Variants in PSMA6 observed in about 807,000 individuals in gnomAD.
PSMA6 encodes proteasome 20S subunit alpha 6, also known as proteasome subunit alpha type-6.
For missense variants in PSMA6, 170 were observed against 294.8 expected, an observed-to-expected ratio of 0.58 and a Z score of 3.10; for synonymous variants, 88 against 97.7, an observed-to-expected ratio of 0.90 and a Z score of 0.59.
At chr14:35,282,983 C>G (rs1007900842) in intron 1 of PSMA6, among the ~76,000 whole-genome samples, 8 of 152,092 alleles carry the variant, frequency 5.3e-5, no homozygotes, top group Non-Finnish European at 1.0e-4. Flanking sequence ...GCTGGGACTA[C>G]AGGCGTGCAC....
In PSMA6 at chr14:35,309,661, G is replaced by A. The variant is rs569718996; in HGVS notation, c.253+666G>A. 1.6e-3 allele frequency among the ~76,000 whole-genome samples: 244 copies of A among 152,200 alleles called. No individual in the cohort carries two copies. The South Asian group carries it at 0.018, about 11-fold the overall frequency. On this transcript the variant is annotated intron_variant, in intron 3 of 6. Coordinates refer to ENST00000261479, the MANE Select transcript of PSMA6 (RefSeq NM_002791.3). ...ACAAAAATTAGCTGGGCATGGTGGC[G>A]CACGCACACCTGTAATCCCAGCTAT...
intron 3 of PSMA6, 127 bp downstream of exon 3, chr14:35,309,122 T>C (rs2051889430): frequency 2.8e-6 from 2 of 708,454 alleles, no homozygotes; most frequent in African/African-American, 3.6e-5. Context: ...ATGAGTGGAT[T>C]TGCAGTCTTC....
intron 4 of PSMA6, among the ~76,000 whole-genome samples, chr14:35,312,506 CAAAAAAAAAAAAA>C (rs200184285): frequency 7.4e-4 from 74 of 100,234 alleles, no homozygotes; most frequent in Middle Eastern, 5.6e-3. Flanking sequence ...GAGTCTGTCT[CAAAAAAAAAAAAA>C]AAAAAAAAAA....
intron 1 of PSMA6, among the ~76,000 whole-genome samples, chr14:35,283,526 G>T (rs916164375): frequency 2.6e-5 from 4 of 150,994 alleles, no homozygotes; most frequent in African/African-American, 9.7e-5. Context: ...TTTGCAATAG[G>T]TGTAATAGGA....
chr14:35,288,835 A>G (rs1408487159), upstream of PSMA6, among the ~76,000 whole-genome samples: 1 of 152,254 alleles, frequency 6.6e-6, no homozygotes, highest in African/African-American at 2.4e-5. Flanking sequence ...TGGGAGGGCA[A>G]GGCAGGAGGA....
chr14:35,295,707 C>T (rs958625618), intron 1 of PSMA6, among the ~76,000 whole-genome samples: 2 of 152,204 alleles, frequency 1.3e-5, no homozygotes, highest in African/African-American at 4.8e-5. Flanking sequence ...CCACCTCGGC[C>T]TCCCAAAGTG....
intron 6 of PSMA6, chr14:35,316,727 A>G (rs1386363017): frequency 6.5e-6 from 1 of 152,784 alleles, no homozygotes; most frequent in Non-Finnish European, 1.5e-5. Flanking sequence ...TTAGCTGGGC[A>G]TAGTGGCACA....
exon 1 of PSMA6, chr14:35,278,633 A>G (rs758298012): frequency 3.2e-5 from 48 of 1,503,500 alleles, no homozygotes; most frequent in Non-Finnish European, 3.9e-5. Flanking sequence ...GGAGCAGGGT[A>G]GTGTCCTAGG....
intron 1 of PSMA6, among the ~76,000 whole-genome samples, chr14:35,294,203 G>A (rs1246816432): frequency 1.3e-5 from 2 of 152,104 alleles, no homozygotes; most frequent in Non-Finnish European, 2.9e-5. Flanking sequence ...ACCACGCCTG[G>A]CTAATTTTGT....
At chr14:35,307,632 G>A (rs865947716) in intron 1 of PSMA6, among the ~76,000 whole-genome samples, 2 of 152,152 alleles carry the variant, frequency 1.3e-5, no homozygotes, top group Non-Finnish European at 2.9e-5. Flanking sequence ...TACTTAGGAG[G>A]CTGAGGCAGG....
At position 35,298,627 on chromosome 14, in the gene PSMA6, T is replaced by C. The variant is rs150368048; in HGVS notation, c.76+6075T>C. Among the ~76,000 whole-genome samples, 1,225 of 152,312 alleles carry C rather than the reference T, an allele frequency of 8.0e-3. 18 individuals carry two copies. The highest frequency in any genetic ancestry group is 0.028 in the African/African-American group (1,164 of 41,574). On this transcript the variant is annotated intron_variant, in intron 1 of 6. Coordinates refer to ENST00000261479, the MANE Select transcript of PSMA6 (RefSeq NM_002791.3). ...TAGCCCAAACCAAAGTCTTTGATCATGTAGTGTTTAAGTACTGTTGCCAAC... is the reference window on the plus strand; with the variant it reads ...TAGCCCAAACCAAAGTCTTTGATCACGTAGTGTTTAAGTACTGTTGCCAAC...
Position 35,310,803 on chromosome 14 carries a change from G to C in PSMA6, c.317G>C (p.Gly106Ala). The C allele has an allele frequency of 6.2e-7, 1 of 1,613,090 alleles. No homozygotes were observed. The highest frequency in any genetic ancestry group is 8.5e-7 in the Non-Finnish European group (1 of 1,179,758). Residue 106 changes from glycine (G) to alanine (A), a missense_variant, in exon 4 of 7, where the codon GGC (glycine) becomes GCC (alanine). By Grantham distance (60) the Gly-to-Ala change is moderately conservative. Transcript: ENST00000261479. ...GCAGCTAACTGGAAATACAAGTATG[G>C]CTATGAGATTCCTGTGGACATGCTG... The part of the protein sequence containing the change: ...YEAANWKYKY[G>A]YEIPVDMLCK...
chr14:35,309,858 A>G (rs144224856), intron 3 of PSMA6, among the ~76,000 whole-genome samples: 1 of 151,254 alleles, frequency 6.6e-6, no homozygotes, highest in Non-Finnish European at 1.5e-5. Context: ...TGTAATCCCA[A>G]CTACTCAGGA....
At chr14:35,314,947 A>ATGTGTG (rs59477296) in intron 6 of PSMA6, 30,367 of 141,000 alleles carry the variant, frequency 0.22, 3,421 homozygotes, top group Non-Finnish European at 0.25. Flanking sequence ...CAGTTGCTGG[A>ATGTGTG]TGTGTGTGTG....
At chr14:35,283,110 C>G (rs1227360460) in intron 1 of PSMA6, among the ~76,000 whole-genome samples, 1 of 151,998 alleles carries the variant, frequency 6.6e-6, no homozygotes, top group African/African-American at 2.4e-5. Context: ...TCCCAAAGTG[C>G]TGGGATTACA....
intron 1 of PSMA6, among the ~76,000 whole-genome samples, chr14:35,303,527 A>G (rs1446573012): frequency 6.6e-6 from 1 of 152,192 alleles, no homozygotes; most frequent in Non-Finnish European, 1.5e-5. Context: ...AACTCATGCC[A>G]TTCCTTTCTC....
At chr14:35,316,976 A>G (rs2138765228) in intron 6 of PSMA6, 3 of 318,264 alleles carry the variant, frequency 9.4e-6, no homozygotes. Flanking sequence ...AGCTGCAACT[A>G]AAGAATTTTA....
At chr14:35,312,120 C>G (rs769038988) in intron 4 of PSMA6, among the ~76,000 whole-genome samples, 2 of 150,320 alleles carry the variant, frequency 1.3e-5, no homozygotes, top group Non-Finnish European at 2.9e-5. Flanking sequence ...AATCCCAGCA[C>G]TTTGGGAGGC....
chr14:35,293,595 GA>G (rs2051529059), intron 1 of PSMA6, among the ~76,000 whole-genome samples: 1 of 152,222 alleles, frequency 6.6e-6, no homozygotes, highest in African/African-American at 2.4e-5. Context: ...TAGAGTTAAA[GA>G]TAACTTGGAA....
Sources: gnomAD v4.1 joint callset for allele counts (sites outside exome capture counted in the v4.1 genomes callset) on GRCh38, gnomAD v4.1.1 for gene constraint, MANE v1.5 for transcripts, NCBI Gene and HGNC (gene_info 2026-07-23, HGNC 2026-07-21) for gene names.